CEP250: variants seen among roughly 807,000 people sequenced by gnomAD.
The protein encoded by CEP250 is centrosomal protein 250, also known as centrosome-associated protein CEP250.
Under a neutral mutation model 315.7 loss-of-function variants are expected in CEP250, and 242 were observed. The observed-to-expected ratio is 0.77, with a 90% confidence interval of 0.69 to 0.85. The LOEUF (loss-of-function observed/expected upper bound fraction) is 0.85. Ranked by LOEUF, CEP250 falls within the 40% of genes least tolerant of loss-of-function variation. The pLI, the probability that CEP250 is intolerant of heterozygous loss-of-function variation, is 0.00. For missense variants in CEP250, 2,515 were observed against 2,886.4 expected (o/e 0.87, Z 2.95); for synonymous variants, 1,088 against 1,175.0 (o/e 0.93, Z 1.51).
Position 35,480,070 on chromosome 20 carries a change from G to A in CEP250, c.2511G>A (p.Glu837=). 6.2e-7 allele frequency: 1 copy of A among 1,613,100 alleles called. No homozygotes were observed. The highest frequency in any genetic ancestry group is 8.5e-7 in the Non-Finnish European group (1 of 1,180,042). Residue 837 remains glutamate, a synonymous_variant, in exon 20 of 35, where the codon GAG becomes GAA. Transcript: ENST00000397527. ...CAGCCAGACAGCTGGCCCAGGCTGAGCAAGAAGGGAAGACTGCCTTGGAGC... is the reference window on the plus strand; with the variant it reads ...CAGCCAGACAGCTGGCCCAGGCTGAACAAGAAGGGAAGACTGCCTTGGAGC... The part of the protein sequence containing the change: ...DAAARQLAQA[E]QEGKTALEQQ...
rs750059520 is a variant in CEP250, at chr20:35,504,583, A to G, written c.6214A>G (p.Asn2072Asp). 1.1e-5 allele frequency: 17 copies of G among 1,614,134 alleles called. No homozygotes were observed. Among genetic ancestry groups the G allele is most frequent in the Non-Finnish European group, 1.4e-5 (17 of 1,179,994 alleles). ...GTCTCTGGCCCAGAGGGTCCAAGAG[A>G]ATATGATCCAAGAGAAGCAGAATCT... ...EKSLAQRVQE[N>D]MIQEKQNLGQ... Residue 2072 changes from asparagine to aspartate, a missense_variant, in exon 30 of 35, where the codon AAT becomes GAT. Physicochemically the swap from Asn to Asp is conservative, Grantham distance 23. Coordinates refer to ENST00000397527, the MANE Select transcript of CEP250 (RefSeq NM_007186.6).
chr20:35,499,351 C>A (rs1485945218), intron 27 of CEP250, among the ~76,000 whole-genome samples: 1 of 152,196 alleles, frequency 6.6e-6, no homozygotes, highest in Non-Finnish European at 1.5e-5. Context: ...TGAATTAATT[C>A]TTGGTACCCA....
rs1342914886 is a variant in CEP250, at chr20:35,516,168, T to G, written c.*4542T>G. The G allele has an allele frequency of 6.6e-6, 1 of 152,252 alleles. No individual in the cohort carries two copies. Among genetic ancestry groups the G allele is most frequent in the African/African-American group, 2.4e-5 (1 of 41,454 alleles). 9.4% of individuals were successfully genotyped at this position (152,252 alleles called of 1,614,324 possible). A position where few individuals can be genotyped will look rare whatever the true frequency, so the allele number is the denominator to read the frequency against. On this transcript the variant is annotated 3_prime_UTR_variant, in exon 35 of 35. Coordinates refer to ENST00000397527, the MANE Select transcript of CEP250 (RefSeq NM_007186.6). The stretch of plus-strand genomic sequence containing the variant: ...GAGTCTCTGCCAAGGCTGTGTGATG[T>G]GTCATCTGAGAGAGTGGGTAACCCC...
Position 35,517,137 on chromosome 20 carries a change from C to A in CEP250, c.*5511C>A. ...CCTCCTTCCAGCACCTTAGCTCCTGCCTCCCTCTGGACCTATTCAGTCCTC... is the reference window on the plus strand; with the variant it reads ...CCTCCTTCCAGCACCTTAGCTCCTGACTCCCTCTGGACCTATTCAGTCCTC... On this transcript the variant is annotated 3_prime_UTR_variant, in exon 35 of 35. Coordinates refer to ENST00000397527, the MANE Select transcript of CEP250 (RefSeq NM_007186.6). 2.0e-6 allele frequency: 1 copy of A among 494,978 alleles called. No individual in the cohort carries two copies. The highest frequency in any genetic ancestry group is 2.6e-6 in the Non-Finnish European group (1 of 381,506). 30.7% of individuals were successfully genotyped at this position (494,978 alleles called of 1,614,324 possible).
chr20:35,470,202 G>A, intron 10 of CEP250: 1 of 582,792 alleles, frequency 1.7e-6, no homozygotes, highest in Non-Finnish European at 3.1e-6. Context: ...TGTATTCCTG[G>A]GGAAATTGCA....
Position 35,502,496 on chromosome 20 carries a change from TC to T in CEP250, c.4129del (p.Leu1377TrpfsTer5). The T allele has an allele frequency of 6.2e-7, 1 of 1,614,180 alleles. No individual in the cohort carries two copies. The highest frequency in any genetic ancestry group is 8.5e-7 in the Non-Finnish European group (1 of 1,180,022). On this transcript the variant is annotated frameshift_variant, in exon 30 of 35. Transcript: ENST00000397527. LOFTEE classifies it high-confidence loss of function. Reference sequence around the variant, plus strand: ...AGGGCTCAGGCAAGTGCTGCTGGCATCCTGGAAGAAGACCTGAGAACGGCTC... The same window carrying T: ...AGGGCTCAGGCAAGTGCTGCTGGCATCTGGAAGAAGACCTGAGAACGGCTC... ...EARAQASAAGILEEDLRTARS... is the reference protein window; with the variant it reads ...EARAQASAAGXLEEDLRTARS...
At chr20:35,502,112 G>T (rs2064023760) in intron 29 of CEP250, 146 bp downstream of exon 29, 1 of 1,014,186 alleles carries the variant, frequency 9.9e-7, no homozygotes, top group Non-Finnish European at 1.4e-6. Context: ...CATTATTCAG[G>T]TTCCAATGAA....
intron 21 of CEP250, chr20:35,491,006 G>A: frequency 1.3e-6 from 1 of 789,266 alleles, no homozygotes; most frequent in Non-Finnish European, 2.0e-6. Context: ...AGGGAGGGCT[G>A]ACATGTACCA....
chr20:35,478,193 A>T, intron 17 of CEP250, 92 bp downstream of exon 17: 1 of 861,532 alleles, frequency 1.2e-6, no homozygotes, highest in Non-Finnish European at 1.8e-6. Flanking sequence ...TGGAAAGTGA[A>T]AAAGTCTTAC....
intron 20 of CEP250, 91 bp from the exon 21 acceptor site, chr20:35,490,546 A>G: frequency 8.3e-7 from 1 of 1,197,992 alleles, no homozygotes; most frequent in Non-Finnish European, 1.2e-6. Context: ...CCCACTAGTG[A>G]GTAGTAGAGA....
chr20:35,511,985 C>T lies in CEP250; in HGVS notation c.*359C>T, dbSNP rs1017010175. 1.7e-5 allele frequency: 18 copies of T among 1,063,890 alleles called. No individual in the cohort carries two copies. The highest frequency in any genetic ancestry group is 5.2e-5 in the Admixed American group (1 of 19,170). The allele number at this position is 1,063,890 out of a possible 1,614,324, so 65.9% of individuals were successfully genotyped here. ...GGATCTTTGCATTCATTTTCTGCTG[C>T]TGTCTCCACTTGTGCAGCTGGGTGG... On this transcript the variant is annotated 3_prime_UTR_variant, in exon 35 of 35. Transcript: ENST00000397527.
chr20:35,476,556 G>T lies in CEP250; in HGVS notation c.1824G>T (p.Leu608Phe), dbSNP rs777783728. The change falls in exon 16 of 35, where the codon TTG becomes TTT. Residue 608 changes from leucine (L) to phenylalanine (F), a missense_variant. By Grantham distance (22) the Leu-to-Phe change is conservative. Coordinates refer to ENST00000397527, the MANE Select transcript of CEP250 (RefSeq NM_007186.6). The part of the protein sequence containing the change: ...AVKLSALNEA[L>F]ALDKVGLNQQ... ...AGCTCAGTGCCTTAAATGAGGCTTT[G>T]GCGTTAGATAAAGTTGGGCTGAACC... 4 of 1,613,830 alleles carry T rather than the reference G, an allele frequency of 2.5e-6. No individual in the cohort carries two copies. The highest frequency in any genetic ancestry group is 3.4e-6 in the Non-Finnish European group (4 of 1,179,816).
At chr20:35,491,674 G>A (rs148551290) in intron 22 of CEP250, among the ~76,000 whole-genome samples, 6 of 152,130 alleles carry the variant, frequency 3.9e-5, no homozygotes, top group African/African-American at 7.2e-5. Flanking sequence ...AGGCTGAGGC[G>A]GACAGATCAG....
At position 35,467,460 on chromosome 20, in the gene CEP250, G is replaced by A. The variant is rs373402706; in HGVS notation, c.756G>A (p.Lys252=). The part of the protein sequence containing the change: ...EPAQLLLLLA[K]TQELEKEAHE... ...CCCAGCTGCTGCTGCTACTAGCCAAGACCCAGGAGCTGGAGAAGGAAGCCC... is the reference window on the plus strand; with the variant it reads ...CCCAGCTGCTGCTGCTACTAGCCAAAACCCAGGAGCTGGAGAAGGAAGCCC... Residue 252 remains lysine (K), a synonymous_variant, in exon 9 of 35, where the codon AAG becomes AAA. Coordinates refer to ENST00000397527, the MANE Select transcript of CEP250 (RefSeq NM_007186.6). The A allele has an allele frequency of 8.1e-6, 13 of 1,614,076 alleles. No homozygotes were observed. The highest frequency in any genetic ancestry group is 3.3e-5 in the Admixed American group (2 of 59,998).
Position 35,480,291 on chromosome 20 carries a change from A to G in CEP250, c.2586+146A>G, listed in dbSNP as rs2063310361. 5.0e-6 allele frequency: 4 copies of G among 796,670 alleles called. No individual in the cohort carries two copies. The African/African-American group carries it at 5.2e-5, about 10-fold the overall frequency. The allele number at this position is 796,670 out of a possible 1,614,324, so 49.4% of individuals were successfully genotyped here. On this transcript the variant is annotated intron_variant, in intron 20 of 34. Coordinates refer to ENST00000397527, the MANE Select transcript of CEP250 (RefSeq NM_007186.6). ...TTCCTGCTATTAAATGAGTTAATAT[A>G]TGAAAAGCACTAAGAGTAGTTCCTA...
chr20:35,473,505 GGCAGGGCA>G lies in CEP250; in HGVS notation c.1343_1350del (p.Ala448AspfsTer91). 3.7e-6 allele frequency: 6 copies of G among 1,614,152 alleles called. No homozygotes were observed. The highest frequency in any genetic ancestry group is 5.1e-6 in the Non-Finnish European group (6 of 1,180,010). Reference sequence around the variant, plus strand: ...AGCTCACTGGGGAGCGGGACACTCTGGCAGGGCAGACTGTGGACCTCCAGGGAGAGGTG... The same window carrying G: ...AGCTCACTGGGGAGCGGGACACTCTGGACTGTGGACCTCCAGGGAGAGGTG... On this transcript the variant is annotated frameshift_variant, in exon 13 of 35. Coordinates refer to ENST00000397527, the MANE Select transcript of CEP250 (RefSeq NM_007186.6). LOFTEE classifies it high-confidence loss of function.
In CEP250 at chr20:35,484,062, C is replaced by T. The variant is rs1042412960; in HGVS notation, c.2586+3917C>T. The stretch of plus-strand genomic sequence containing the variant: ...AGTAATTCCAATAACTTTTAATTAA[C>T]GTTTTGGGGTCTAGTTCTGTAATTT... On this transcript the variant is annotated intron_variant, in intron 20 of 34. Coordinates refer to ENST00000397527, the MANE Select transcript of CEP250 (RefSeq NM_007186.6). Among the ~76,000 whole-genome samples, 9 of 151,970 alleles carry T rather than the reference C, an allele frequency of 5.9e-5. No homozygotes were observed. The East Asian group carries it at 1.7e-3, about 29-fold the overall frequency.
At chr20:35,457,936 C>A (rs2146629955) in intron 1 of CEP250, among the ~76,000 whole-genome samples, 1 of 152,134 alleles carries the variant, frequency 6.6e-6, no homozygotes, top group African/African-American at 2.4e-5. Flanking sequence ...GTGGGAGAGG[C>A]CAGAGGTTGG....
chr20:35,473,650 G>C (rs1263517790), intron 13 of CEP250, 98 bp downstream of exon 13: 1 of 1,273,352 alleles, frequency 7.9e-7, no homozygotes, highest in Admixed American at 2.7e-5. Flanking sequence ...TTGGGGTGCT[G>C]ATCCTGTTCT....
Sources: allele counts gnomAD v4.1 joint callset (sites outside exome capture counted in the v4.1 genomes callset), GRCh38; gene constraint gnomAD v4.1.1; transcripts MANE v1.5; gene names NCBI Gene and HGNC (gene_info 2026-07-23, HGNC 2026-07-21).